The following APOBEC3A variants were observed in gnomAD, a reference collection of about 807,000 sequenced individuals.
APOBEC3A encodes DNA dC->dU-editing enzyme APOBEC-3A.
A neutral mutation model predicts 23.0 loss-of-function variants in APOBEC3A; 13 were observed. The ratio of observed to expected loss-of-function variants is 0.57; its 90% CI spans 0.37 to 0.90. The LOEUF (loss-of-function observed/expected upper bound fraction) is 0.90, where lower values mean the gene tolerates loss of function less well. Among genes scored for constraint, APOBEC3A ranks in the 40% least tolerant of loss-of-function variants. APOBEC3A has a pLI of 0.01. For synonymous variants in APOBEC3A, 74 were observed against 101.3 expected (o/e 0.73, Z 1.62); for missense variants, 179 against 264.9 (o/e 0.68, Z 2.25).
chr22:38,959,316 G>A (rs1922759005), intron 1 of APOBEC3A, among the ~76,000 whole-genome samples: 1 of 152,130 alleles, frequency 6.6e-6, no homozygotes, highest in Admixed American at 6.5e-5. Context: ...ACACTGAGCT[G>A]ACCCTGGGGA....
chr22:38,959,448 T>TG, intron 1 of APOBEC3A, 94 bp from the exon 2 acceptor site: 1 of 1,414,852 alleles, frequency 7.1e-7, no homozygotes, highest in Non-Finnish European at 9.7e-7. Context: ...GGAAGGAGGG[T>TG]GGGGTGCAAG....
rs951399326 is a variant in APOBEC3A, at chr22:38,962,890, A to G, written c.*381A>G. 9.1e-5 allele frequency: 30 copies of G among 329,572 alleles called. 1 individual carries two copies. The highest frequency in any genetic ancestry group is 3.8e-4 in the East Asian group (4 of 10,452). The allele number at this position is 329,572 out of a possible 1,614,324, so 20.4% of individuals were successfully genotyped here. On this transcript the variant is annotated 3_prime_UTR_variant, in exon 5 of 5. Transcript: ENST00000249116. ...GGAGAGTAGCGTGAACCCGGGAGGC[A>G]GAGCTTGCGGTGAGCCGAGATTGCG...
Position 38,961,968 on chromosome 22 carries a change from C to T in APOBEC3A, c.470-130C>T, listed in dbSNP as rs372925731. On this transcript the variant is annotated intron_variant, in intron 3 of 4. Coordinates refer to ENST00000249116, the MANE Select transcript of APOBEC3A (RefSeq NM_145699.4). Reference sequence around the variant, plus strand: ...AACTGCCTGATGAAGGAGCTAAGTCCCTAGGGGAGGGAGAGGGAAAGGAGG... The same window carrying T: ...AACTGCCTGATGAAGGAGCTAAGTCTCTAGGGGAGGGAGAGGGAAAGGAGG... The T allele has an allele frequency of 5.8e-5, 75 of 1,296,630 alleles. 1 individual carries two copies. In the East Asian group the frequency reaches 7.8e-4, roughly 14 times the overall value. The allele number at this position is 1,296,630 out of a possible 1,614,324, so 80.3% of individuals were successfully genotyped here.
Position 38,962,142 on chromosome 22 carries a change from C to T in APOBEC3A, c.514C>T (p.Pro172Ser). ...WDTFVDHQGC[P>S]FQPWDGLDEH... Reference sequence around the variant, plus strand: ...CACCTTTGTGGACCACCAGGGATGTCCCTTCCAGCCCTGGGATGGACTAGA... The same window carrying T: ...CACCTTTGTGGACCACCAGGGATGTTCCTTCCAGCCCTGGGATGGACTAGA... The change falls in exon 4 of 5, where the codon CCC becomes TCC. Residue 172 changes from proline to serine, a missense_variant. Physicochemically the swap from Pro to Ser is moderately conservative, Grantham distance 74. This residue lies in a region of APOBEC3A where 37 missense variants were observed against 43.1 expected (regional missense o/e 0.86). Transcript: ENST00000249116. 3 of 1,613,190 alleles carry T rather than the reference C, an allele frequency of 1.9e-6. No homozygotes were observed. The highest frequency in any genetic ancestry group is 2.2e-5 in the South Asian group (2 of 91,050).
At chr22:38,959,515 T>C (rs1922770746) in intron 1 of APOBEC3A, 27 bp from the exon 2 acceptor site, 1 of 1,609,954 alleles carries the variant, frequency 6.2e-7, no homozygotes, top group Non-Finnish European at 8.5e-7. Context: ...CTCTTCCTCC[T>C]CTGGTCTTTT....
At chr22:38,962,054 A>G in intron 3 of APOBEC3A, 44 bp from the exon 4 acceptor site, 2 of 1,581,788 alleles carry the variant, frequency 1.3e-6, no homozygotes, top group Non-Finnish European at 1.7e-6. Flanking sequence ...TGCCACCCCG[A>G]TCCCACAGCG....
chr22:38,958,612 T>C (rs1444003698), intron 1 of APOBEC3A, among the ~76,000 whole-genome samples: 5 of 150,546 alleles, frequency 3.3e-5, no homozygotes, highest in South Asian at 4.2e-4. Context: ...TCTTTCTCCC[T>C]TTCTCCCTCC....
At position 38,962,900 on chromosome 22, in the gene APOBEC3A, G is replaced by A; in HGVS notation, c.*391G>A. ...GTGAACCCGGGAGGCAGAGCTTGCG[G>A]TGAGCCGAGATTGCGCTACTGCACT... On this transcript the variant is annotated 3_prime_UTR_variant, in exon 5 of 5. Coordinates refer to ENST00000249116, the MANE Select transcript of APOBEC3A (RefSeq NM_145699.4). 3.2e-6 allele frequency: 1 copy of A among 313,678 alleles called. No homozygotes were observed. Among genetic ancestry groups the A allele is most frequent in the Non-Finnish European group, 5.9e-6 (1 of 170,794 alleles). The allele number at this position is 313,678 out of a possible 1,614,324, so 19.4% of individuals were successfully genotyped here.
chr22:38,959,334 ACAAGGCTTAGACAGGCCCCAGGGCTG>A (rs1922760439), intron 1 of APOBEC3A, among the ~76,000 whole-genome samples, 182 bp from the exon 2 acceptor site: 1 of 152,110 alleles, frequency 6.6e-6, no homozygotes, highest in Admixed American at 6.5e-5. Context: ...GGAGACCCTG[ACAAGGCTTAGACAGGCCCCAGGGCTG>A]CAGTGATCTC....
At chr22:38,962,338 C>A in intron 4 of APOBEC3A, 125 bp downstream of exon 4, 1 of 1,562,868 alleles carries the variant, frequency 6.4e-7, no homozygotes, top group Non-Finnish European at 8.7e-7. Context: ...GGGCGCCCAG[C>A]TCCGTCCCTC....
At chr22:38,960,109 C>G (rs1922809960) in intron 2 of APOBEC3A, among the ~76,000 whole-genome samples, 1 of 152,208 alleles carries the variant, frequency 6.6e-6, no homozygotes, top group Non-Finnish European at 1.5e-5. Flanking sequence ...GAGCCCACAG[C>G]AAGGCCAGAA....
chr22:38,957,718 C>T lies in APOBEC3A; in HGVS notation c.27C>T (p.Pro9=). The T allele has an allele frequency of 6.2e-7, 1 of 1,612,368 alleles. No individual in the cohort carries two copies. Among genetic ancestry groups the T allele is most frequent in the Non-Finnish European group, 8.5e-7 (1 of 1,179,154 alleles). The stretch of plus-strand genomic sequence containing the variant: ...TGGAAGCCAGCCCAGCATCCGGGCC[C>T]AGGTATGGGAAGCCCCTCCGAGCAC... MEASPASG[P]RHLMDPHIFT... is the part of the protein sequence containing the mutation. Residue 9 remains proline (P), a splice_region_variant and synonymous_variant, in exon 1 of 5, where the codon CCC becomes CCT. Transcript: ENST00000249116.
Position 38,962,793 on chromosome 22 carries a change from C to A in APOBEC3A, c.*284C>A, listed in dbSNP as rs1569029673. The stretch of plus-strand genomic sequence containing the variant: ...CTAACACGGTGAAACCCTGTCTCTA[C>A]TAAAAATACAAAAAATTAGCCAGGC... On this transcript the variant is annotated 3_prime_UTR_variant, in exon 5 of 5. Transcript: ENST00000249116. 2.8e-6 allele frequency: 2 copies of A among 723,472 alleles called. 1 individual carries two copies. The highest frequency in any genetic ancestry group is 4.1e-6 in the Non-Finnish European group (2 of 488,758). 44.8% of individuals were successfully genotyped at this position (723,472 alleles called of 1,614,324 possible). A position where few individuals can be genotyped will look rare whatever the true frequency, so the allele number is the denominator to read the frequency against.
intron 1 of APOBEC3A, among the ~76,000 whole-genome samples, chr22:38,959,167 G>C: frequency 6.6e-6 from 1 of 152,192 alleles, no homozygotes. Context: ...CCTGCAGGCA[G>C]GAGGAAGCCC....
chr22:38,958,094 A>G (rs1341543518), intron 1 of APOBEC3A, among the ~76,000 whole-genome samples: 2 of 152,184 alleles, frequency 1.3e-5, no homozygotes, highest in Non-Finnish European at 2.9e-5. Context: ...AGCCCTTTTT[A>G]TGTTCAGTGT....
rs374077087 is a variant in APOBEC3A at position 38,959,705 on chromosome 22, C to T, written c.174+19C>T. ...CAACCAGGTGACCGACCCAGCCATC[C>T]GAATCCGGGCAGGGCCCTTCCAATC... On this transcript the variant is annotated intron_variant, in intron 2 of 4. Coordinates refer to ENST00000249116, the MANE Select transcript of APOBEC3A (RefSeq NM_145699.4). 13 of 1,610,344 alleles carry T rather than the reference C, an allele frequency of 8.1e-6. No individual in the cohort carries two copies. The highest frequency in any genetic ancestry group is 1.1e-5 in the South Asian group (1 of 90,888).
At chr22:38,960,952 G>C (rs1289711083) in intron 2 of APOBEC3A, among the ~76,000 whole-genome samples, 1 of 151,656 alleles carries the variant, frequency 6.6e-6, no homozygotes, top group African/African-American at 2.4e-5. Context: ...GGTCCTGAAG[G>C]CTCTGACCTT....
intron 2 of APOBEC3A, among the ~76,000 whole-genome samples, chr22:38,960,879 C>G (rs1922848792): frequency 6.6e-6 from 1 of 151,816 alleles, no homozygotes; most frequent in Non-Finnish European, 1.5e-5. Flanking sequence ...CGGGGCTCCG[C>G]CGGCCCCTCC....
At chr22:38,960,681 C>T (rs1922840457) in intron 2 of APOBEC3A, among the ~76,000 whole-genome samples, 1 of 152,226 alleles carries the variant, frequency 6.6e-6, no homozygotes, top group Non-Finnish European at 1.5e-5. Context: ...TTCCCCACTA[C>T]TTTTGGTGGA....
Sources: allele counts gnomAD v4.1 joint callset (sites outside exome capture counted in the v4.1 genomes callset), GRCh38; gene constraint gnomAD v4.1.1; regional missense constraint gnomAD v4.1.1; transcripts MANE v1.5; gene names NCBI Gene and HGNC (gene_info 2026-07-23, HGNC 2026-07-21).